SGCD: variants seen among roughly 807,000 people sequenced by gnomAD.
SGCD encodes sarcoglycan delta.
A neutral mutation model predicts 36.6 loss-of-function variants in SGCD; 18 were observed. The ratio of observed to expected loss-of-function variants is 0.49; its 90% CI spans 0.34 to 0.73. The LOEUF is 0.73. Ranked by LOEUF, SGCD falls within the 30% of genes least tolerant of loss-of-function variation. The probability of loss-of-function intolerance (pLI) is 0.01; values close to 1 mark genes in which losing one functional copy is unlikely to be tolerated. For synonymous variants in SGCD, 133 were observed against 130.6 expected (o/e 1.02, Z -0.12); for missense variants, 387 against 346.7 (o/e 1.12, Z -0.92).
Position 156,119,925 on chromosome 5 carries a change from G to A in SGCD, c.-208+1974G>A, listed in dbSNP as rs150533577. ...CAGATTCCCTGAAGCGTTCAAGGCC[G>A]CCTGACAGGCAGAGATGCCACCTAC... On this transcript the variant is annotated intron_variant, in intron 2 of 9. Coordinates refer to the SGCD transcript ENST00000517913. Among the ~76,000 whole-genome samples, 302 of 152,242 alleles carry A rather than the reference G, an allele frequency of 2.0e-3. 1 individual carries two copies. Among genetic ancestry groups the A allele is most frequent in the African/African-American group, 6.9e-3 (286 of 41,548 alleles).
chr5:156,505,144 G>A (rs1442912054), intron 3 of SGCD, among the ~76,000 whole-genome samples: 3 of 152,174 alleles, frequency 2.0e-5, no homozygotes, highest in Non-Finnish European at 4.4e-5. Context: ...GGGAGGGTTC[G>A]AGGTGCCTTT....
At chr5:156,532,312 A>G (rs1175928265) in intron 4 of SGCD, among the ~76,000 whole-genome samples, 1 of 152,178 alleles carries the variant, frequency 6.6e-6, no homozygotes, top group African/African-American at 2.4e-5. Context: ...TGAATGAACT[A>G]CTAGATGTGA....
the SGCD span, among the ~76,000 whole-genome samples, chr5:155,751,675 C>G: frequency 6.6e-6 from 1 of 150,764 alleles, no homozygotes; most frequent in African/African-American, 2.4e-5. Flanking sequence ...CCATAGCCAG[C>G]CTGTGGCATA....
At chr5:155,863,724 T>C in the SGCD span, among the ~76,000 whole-genome samples, 1 of 151,850 alleles carries the variant, frequency 6.6e-6, no homozygotes, top group Non-Finnish European at 1.5e-5. Flanking sequence ...GGATTCCCTA[T>C]AGATGTATCC....
chr5:156,674,652 C>T (rs1753438279), intron 7 of SGCD, among the ~76,000 whole-genome samples: 1 of 152,132 alleles, frequency 6.6e-6, no homozygotes, highest in Non-Finnish European at 1.5e-5. Flanking sequence ...GGTCTGCTCT[C>T]ATATGAAGAT....
intron 2 of SGCD, among the ~76,000 whole-genome samples, chr5:156,339,001 G>A (rs1768505463): frequency 1.3e-5 from 2 of 152,122 alleles, no homozygotes; most frequent in Admixed American, 1.3e-4. Context: ...TGCAGTCCCA[G>A]GTAGGAACAT....
chr5:156,625,905 G>A (rs567197779), intron 6 of SGCD, among the ~76,000 whole-genome samples: 10 of 152,290 alleles, frequency 6.6e-5, no homozygotes, highest in Non-Finnish European at 1.2e-4. Flanking sequence ...AGTTGGAAGC[G>A]GGGGTATGTT....
chr5:155,797,806 C>T, the SGCD span, among the ~76,000 whole-genome samples: 6 of 152,136 alleles, frequency 3.9e-5, no homozygotes, highest in Non-Finnish European at 7.4e-5. Context: ...ATTCTACCTC[C>T]TTGAGAGAGG....
intron 1 of SGCD, among the ~76,000 whole-genome samples, chr5:156,017,916 T>C (rs901570323): frequency 6.6e-6 from 1 of 152,184 alleles, no homozygotes; most frequent in Admixed American, 6.5e-5. Flanking sequence ...TCCCAGCACT[T>C]TGGGAGGCCG....
chr5:156,004,421 T>C (rs1008563679), intron 1 of SGCD, among the ~76,000 whole-genome samples: 6 of 152,196 alleles, frequency 3.9e-5, no homozygotes, highest in Non-Finnish European at 7.3e-5. Flanking sequence ...GTGGTGTTCC[T>C]AGCATTATGT....
chr5:156,234,550 TG>T (rs1765107599), intron 3 of SGCD, among the ~76,000 whole-genome samples: 1 of 152,200 alleles, frequency 6.6e-6, no homozygotes, highest in African/African-American at 2.4e-5. Flanking sequence ...AACATGATTT[TG>T]TTTTGGAAGA....
intron 4 of SGCD, among the ~76,000 whole-genome samples, chr5:156,523,713 AG>A (rs1288505222): frequency 3.3e-5 from 5 of 152,078 alleles, no homozygotes; most frequent in Non-Finnish European, 7.4e-5. Context: ...GGTAGAGTTC[AG>A]GGGCAGTCTC....
chr5:156,508,646 G>C lies in SGCD; in HGVS notation c.238G>C (p.Glu80Gln). Reference sequence around the variant, plus strand: ...GATCACAGAAAAAGGTCTAAAGCTAGAAGGAGACTCTGAATTCTTACAACC... The same window carrying C: ...GATCACAGAAAAAGGTCTAAAGCTACAAGGAGACTCTGAATTCTTACAACC... ...LRITEKGLKLEGDSEFLQPLY... is the reference protein window; with the variant it reads ...LRITEKGLKLQGDSEFLQPLY... Residue 80 changes from glutamate (E) to glutamine (Q), a missense_variant, in exon 4 of 9, where the codon GAA becomes CAA. Coordinates refer to ENST00000337851, the MANE Select transcript of SGCD (RefSeq NM_000337.6). 1 of 1,612,454 alleles carries C rather than the reference G, an allele frequency of 6.2e-7. No individual in the cohort carries two copies. The highest frequency in any genetic ancestry group is 8.5e-7 in the Non-Finnish European group (1 of 1,178,746).
chr5:156,087,354 G>T (rs1488604284), intron 1 of SGCD, among the ~76,000 whole-genome samples: 1 of 152,044 alleles, frequency 6.6e-6, no homozygotes, highest in Non-Finnish European at 1.5e-5. Flanking sequence ...AATATCTAGT[G>T]CCAGCTGGGC....
chr5:156,247,613 T>C (rs1031089085), intron 3 of SGCD, among the ~76,000 whole-genome samples: 2 of 152,140 alleles, frequency 1.3e-5, no homozygotes, highest in Admixed American at 6.5e-5. Flanking sequence ...TCAGCTGTTA[T>C]AGAGAAAGAA....
intron 4 of SGCD, among the ~76,000 whole-genome samples, chr5:156,570,678 A>G (rs1759682256): frequency 6.6e-6 from 1 of 152,204 alleles, no homozygotes; most frequent in African/African-American, 2.4e-5. Context: ...CAGCATGTGC[A>G]GATTTGTTAC....
At chr5:156,276,409 G>A (rs1353692854) in intron 3 of SGCD, among the ~76,000 whole-genome samples, 1 of 152,184 alleles carries the variant, frequency 6.6e-6, no homozygotes, top group African/African-American at 2.4e-5. Flanking sequence ...GGGTAGATGA[G>A]TTAACTTGGC....
chr5:156,726,456 G>A (rs1274867727), intron 7 of SGCD, among the ~76,000 whole-genome samples: 1 of 152,138 alleles, frequency 6.6e-6, no homozygotes, highest in Admixed American at 6.5e-5. Context: ...TCTCTATCCT[G>A]AAGCCAGATG....
At chr5:155,738,634 CTG>C in the SGCD span, among the ~76,000 whole-genome samples, 1 of 151,302 alleles carries the variant, frequency 6.6e-6, no homozygotes, top group African/African-American at 2.4e-5. Context: ...GAGAGAGAGT[CTG>C]TGAGAGTGTG....
Sources: allele counts gnomAD v4.1 joint callset (sites outside exome capture counted in the v4.1 genomes callset), GRCh38; gene constraint gnomAD v4.1.1; transcripts MANE v1.5; gene names NCBI Gene and HGNC (gene_info 2026-07-23, HGNC 2026-07-21).